COBLL1: variants seen among roughly 807,000 people sequenced by gnomAD.
The protein encoded by COBLL1 is cordon-bleu WH2 repeat protein like 1, also known as cordon-bleu protein-like 1.
A neutral mutation model predicts 94.8 loss-of-function variants in COBLL1; 50 were observed. The ratio of observed to expected loss-of-function variants is 0.53; its 90% CI spans 0.42 to 0.67. COBLL1 has a LOEUF of 0.67. Among genes scored for constraint, COBLL1 ranks in the 30% least tolerant of loss-of-function variants. The probability of loss-of-function intolerance (pLI) is 0.00; values close to 1 mark genes in which losing one functional copy is unlikely to be tolerated. For missense variants in COBLL1, 1,362 were observed against 1,348.7 expected, an observed-to-expected ratio of 1.01 and a Z score of -0.15; for synonymous variants, 448 against 473.8, an observed-to-expected ratio of 0.95 and a Z score of 0.71.
chr2:164,838,174 A>G (rs1683412819), intron 2 of COBLL1, among the ~76,000 whole-genome samples: 1 of 152,162 alleles, frequency 6.6e-6, no homozygotes, highest in Admixed American at 6.5e-5. Context: ...TCTGCACACC[A>G]TTGCTTCCAC....
chr2:164,826,991 C>T (rs1392285476), intron 2 of COBLL1, among the ~76,000 whole-genome samples: 1 of 151,724 alleles, frequency 6.6e-6, no homozygotes, highest in Non-Finnish European at 1.5e-5. Context: ...CGCTCTATCA[C>T]CCAGGCTAGA....
intron 2 of COBLL1, among the ~76,000 whole-genome samples, chr2:164,827,401 T>C (rs1473391302): frequency 2.0e-5 from 3 of 152,208 alleles, no homozygotes; most frequent in Admixed American, 6.5e-5. Context: ...TTTGTAACCA[T>C]TTTGAAGAGT....
intron 2 of COBLL1, among the ~76,000 whole-genome samples, chr2:164,744,120 G>T (rs1245993281): frequency 6.6e-6 from 1 of 152,074 alleles, no homozygotes; most frequent in African/African-American, 2.4e-5. Context: ...ACATGATAAA[G>T]AAATTTTATA....
At chr2:164,715,753 T>C (rs1574461353) in intron 7 of COBLL1, among the ~76,000 whole-genome samples, 1 of 151,962 alleles carries the variant, frequency 6.6e-6, no homozygotes, top group East Asian at 1.9e-4. Context: ...AGAGTTTCCG[T>C]TTCTCAATAG....
In COBLL1 at chr2:164,841,455, G is replaced by T. The variant is rs1165672019; in HGVS notation, c.-50-209C>A. 27 of 1,147,318 alleles carry T rather than the reference G, an allele frequency of 2.4e-5. No individual in the cohort carries two copies. Among genetic ancestry groups the T allele is most frequent in the Non-Finnish European group, 2.9e-5 (27 of 934,614 alleles). The allele number at this position is 1,147,318 out of a possible 1,614,324, so 71.1% of individuals were successfully genotyped here. On this transcript the variant is annotated intron_variant, in intron 1 of 13. Coordinates refer to ENST00000652658, the MANE Select transcript of COBLL1 (RefSeq NM_001365672.2). The surrounding 1 kb of genome is among the most constrained non-coding windows in gnomAD (Gnocchi z 5.5). ...TCTAGCGGGCGCCCAGAGCACGGCG[G>T]AGGAGGCGGTGGCGCTGCAGCCCCC...
intron 10 of COBLL1, 41 bp from the exon 11 acceptor site, chr2:164,699,540 G>A: frequency 1.7e-6 from 2 of 1,163,044 alleles, no homozygotes; most frequent in Non-Finnish European, 2.6e-6. Context: ...TGATACTATT[G>A]AAACACACAC....
chr2:164,827,803 TA>T (rs1235265939), intron 2 of COBLL1, among the ~76,000 whole-genome samples: 1 of 152,210 alleles, frequency 6.6e-6, no homozygotes, highest in Non-Finnish European at 1.5e-5. Context: ...TGGGGATATT[TA>T]GGTTGTAAAA....
intron 2 of COBLL1, among the ~76,000 whole-genome samples, chr2:164,774,057 CAT>C (rs1158765550): frequency 1.3e-5 from 2 of 152,080 alleles, no homozygotes; most frequent in East Asian, 1.9e-4. Flanking sequence ...AGATTCTCAA[CAT>C]ATACAAAATC....
At chr2:164,686,570 A>T (rs1301281131) in intron 13 of COBLL1, among the ~76,000 whole-genome samples, 1 of 151,910 alleles carries the variant, frequency 6.6e-6, no homozygotes, top group African/African-American at 2.4e-5. Flanking sequence ...GTGACTGTTA[A>T]GCCAAATGAC....
At chr2:164,721,207 T>G (rs1330393540) in intron 7 of COBLL1, among the ~76,000 whole-genome samples, 1 of 152,184 alleles carries the variant, frequency 6.6e-6, no homozygotes, top group Non-Finnish European at 1.5e-5. Context: ...GGAAACAAAA[T>G]CTTTCAACTA....
intron 4 of COBLL1, 54 bp downstream of exon 4, chr2:164,729,860 T>G: frequency 1.6e-3 from 2,260 of 1,408,064 alleles, no homozygotes; most frequent in Non-Finnish European, 2.1e-3. Context: ...TCACTTACAA[T>G]GAGCTGCTGA....
chr2:164,774,185 A>C (rs1688350918), intron 2 of COBLL1, among the ~76,000 whole-genome samples: 2 of 152,178 alleles, frequency 1.3e-5, no homozygotes, highest in Admixed American at 1.3e-4. Context: ...TGAGTATATA[A>C]AAATAAAATT....
Position 164,682,185 on chromosome 2 carries a change from A to C in COBLL1, c.*3761T>G, listed in dbSNP as rs2105397792. On this transcript the variant is annotated 3_prime_UTR_variant, in exon 14 of 14. Coordinates refer to ENST00000652658, the MANE Select transcript of COBLL1 (RefSeq NM_001365672.2). ...GCACACCTTTTAAATATGTGGATCA[A>C]ATAAAAATCTTGTTGTCAACTCTGA... 6.6e-6 allele frequency: 1 copy of C among 152,312 alleles called. No homozygotes were observed. Among genetic ancestry groups the C allele is most frequent in the South Asian group, 2.1e-4 (1 of 4,826 alleles). 9.4% of individuals were successfully genotyped at this position (152,312 alleles called of 1,614,324 possible). A position where few individuals can be genotyped will look rare whatever the true frequency, so the allele number is the denominator to read the frequency against.
chr2:164,732,658 A>G (rs1454862060), intron 3 of COBLL1, among the ~76,000 whole-genome samples: 2 of 152,218 alleles, frequency 1.3e-5, no homozygotes, highest in Non-Finnish European at 2.9e-5. Context: ...CTATATATAA[A>G]TGTGTCAAGT....
At chr2:164,749,454 G>A (rs1032629530) in intron 2 of COBLL1, among the ~76,000 whole-genome samples, 15 of 152,108 alleles carry the variant, frequency 9.9e-5, no homozygotes, top group African/African-American at 3.6e-4. Flanking sequence ...GATTTATTGT[G>A]GTAAGTGTTG....
intron 7 of COBLL1, among the ~76,000 whole-genome samples, chr2:164,717,109 T>G (rs1357421720): frequency 6.6e-6 from 1 of 152,202 alleles, no homozygotes; most frequent in African/African-American, 2.4e-5. Flanking sequence ...TCTCATGCAA[T>G]GTAACTATTT....
At chr2:164,659,306 C>A (rs1691033027) in intron 2 of COBLL1, among the ~76,000 whole-genome samples, 2 of 152,146 alleles carry the variant, frequency 1.3e-5, no homozygotes, top group Non-Finnish European at 1.5e-5. Flanking sequence ...AAAGGAACTT[C>A]CATCAGTATA....
chr2:164,741,501 C>A, intron 3 of COBLL1, among the ~76,000 whole-genome samples: 1 of 149,994 alleles, frequency 6.7e-6, no homozygotes, highest in African/African-American at 2.5e-5. Flanking sequence ...GAAGAGAGCC[C>A]AGGGTTAAGA....
chr2:164,817,361 TAA>T (rs10599487), intron 2 of COBLL1, among the ~76,000 whole-genome samples: 26,748 of 116,430 alleles, frequency 0.23, 2,729 homozygotes, highest in Middle Eastern at 0.3. Context: ...TGGTATATAT[TAA>T]AAAAAAAAAA....
Sources: gnomAD v4.1 joint callset for allele counts (sites outside exome capture counted in the v4.1 genomes callset) on GRCh38, gnomAD v4.1.1 for gene constraint, Gnocchi (gnomAD v3.1) non-coding constraint, MANE v1.5 for transcripts, NCBI Gene and HGNC (gene_info 2026-07-23, HGNC 2026-07-21) for gene names.